MRPS31: variants seen among roughly 807,000 people sequenced by gnomAD.
MRPS31 encodes mitochondrial ribosomal protein S31.
In MRPS31, 32 loss-of-function variants were observed where a neutral mutation model predicts 43.1. The observed-to-expected ratio is 0.74, with a 90% CI of 0.56 to 1.00. The LOEUF (loss-of-function observed/expected upper bound fraction) is 1.00. Among genes scored for constraint, MRPS31 ranks in the 50% least tolerant of loss-of-function variants. The pLI, the probability that MRPS31 is intolerant of heterozygous loss-of-function variation, is 0.00. For synonymous variants in MRPS31, 165 were observed against 161.6 expected, an observed-to-expected ratio of 1.02 and a Z score of -0.16; for missense variants, 437 against 466.7, an observed-to-expected ratio of 0.94 and a Z score of 0.59.
At chr13:40,756,309 A>T (rs1880525059) in intron 4 of MRPS31, among the ~76,000 whole-genome samples, 1 of 152,238 alleles carries the variant, frequency 6.6e-6, no homozygotes, top group Admixed American at 6.5e-5. Flanking sequence ...ACAACTTTAG[A>T]TTCTAAAATA....
At chr13:40,742,746 C>CAAAAAA (rs2138000427) in intron 6 of MRPS31, among the ~76,000 whole-genome samples, 1 of 152,212 alleles carries the variant, frequency 6.6e-6, no homozygotes, top group African/African-American at 2.4e-5. Flanking sequence ...AGAATAGAAA[C>CAAAAAA]AAAAGTGTGA....
chr13:40,751,906 T>C (rs183674155), intron 5 of MRPS31, among the ~76,000 whole-genome samples: 6 of 152,322 alleles, frequency 3.9e-5, no homozygotes, highest in Middle Eastern at 3.4e-3. Context: ...GCCAACTAAC[T>C]TCAGTTTTAG....
chr13:40,738,159 C>A (rs1335304564), intron 6 of MRPS31, among the ~76,000 whole-genome samples: 3 of 151,984 alleles, frequency 2.0e-5, no homozygotes, highest in Non-Finnish European at 4.4e-5. Context: ...ACTACAAACA[C>A]CTCTACGCAA....
intron 6 of MRPS31, among the ~76,000 whole-genome samples, chr13:40,737,365 A>G (rs1425652933): frequency 2.6e-5 from 4 of 152,222 alleles, no homozygotes; most frequent in East Asian, 3.9e-4. Context: ...TCAACATTAG[A>G]CAGATCAATG....
intron 3 of MRPS31, 27 bp from the exon 4 acceptor site, chr13:40,757,040 T>G (rs766119412): frequency 6.4e-7 from 1 of 1,558,542 alleles, no homozygotes; most frequent in Non-Finnish European, 8.7e-7. Context: ...GTCAAGTGTA[T>G]TAGAAATCTT....
intron 6 of MRPS31, among the ~76,000 whole-genome samples, chr13:40,733,255 C>T (rs1416466416): frequency 6.6e-6 from 1 of 152,042 alleles, no homozygotes; most frequent in Non-Finnish European, 1.5e-5. Context: ...CCGCCTGCTT[C>T]GGCCTCCCAA....
intron 6 of MRPS31, chr13:40,731,142 T>C (rs1879680576): frequency 6.7e-6 from 1 of 149,304 alleles, no homozygotes; most frequent in African/African-American, 2.5e-5. Context: ...TAGTCCCAGC[T>C]ACTTGAAAGG....
intron 6 of MRPS31, 75 bp from the exon 7 acceptor site, chr13:40,729,676 G>T: frequency 1.0e-6 from 1 of 965,606 alleles, no homozygotes; most frequent in Non-Finnish European, 1.6e-6. Context: ...ATATTAATGA[G>T]GTAATATAAT....
At chr13:40,753,342 C>T (rs112924165) in intron 5 of MRPS31, among the ~76,000 whole-genome samples, 2,551 of 152,300 alleles carry the variant, frequency 0.017, 49 homozygotes, top group African/African-American at 0.046. Flanking sequence ...TATGTAATAG[C>T]ATAGAGATAC....
At chr13:40,734,601 C>T (rs1300249006) in intron 6 of MRPS31, among the ~76,000 whole-genome samples, 2 of 152,066 alleles carry the variant, frequency 1.3e-5, no homozygotes, top group African/African-American at 4.8e-5. Context: ...TTTTGTCTTA[C>T]CATTAAACAG....
intron 6 of MRPS31, among the ~76,000 whole-genome samples, chr13:40,730,475 A>G (rs1879649235): frequency 6.6e-6 from 1 of 152,184 alleles, no homozygotes; most frequent in Non-Finnish European, 1.5e-5. Flanking sequence ...TAGGGAGCCA[A>G]GATCAAGCCA....
At chr13:40,735,102 G>A (rs1276370270) in intron 6 of MRPS31, among the ~76,000 whole-genome samples, 2 of 152,234 alleles carry the variant, frequency 1.3e-5, no homozygotes, top group Middle Eastern at 3.2e-3. Flanking sequence ...GAAAGAGGGT[G>A]AGGCATTGCC....
chr13:40,758,067 G>C (rs922060799), intron 3 of MRPS31, among the ~76,000 whole-genome samples: 27 of 151,446 alleles, frequency 1.8e-4, no homozygotes, highest in African/African-American at 6.5e-4. Context: ...GGCGTGAACC[G>C]GGGAGGCGGA....
intron 2 of MRPS31, among the ~76,000 whole-genome samples, chr13:40,764,534 G>C (rs186626026): frequency 2.0e-5 from 3 of 152,170 alleles, no homozygotes; most frequent in Non-Finnish European, 4.4e-5. Context: ...AATCAATGTG[G>C]AACAAGGGTA....
intron 5 of MRPS31, 141 bp downstream of exon 5, chr13:40,753,878 T>A (rs1593448902): frequency 1.6e-6 from 1 of 617,642 alleles, no homozygotes; most frequent in Non-Finnish European, 2.8e-6. Flanking sequence ...GTTTTCCTTG[T>A]AACAACCGCC....
rs150239454 is a variant in MRPS31, at chr13:40,746,441, T to C, written c.958+2697A>G. 1.4e-4 allele frequency among the ~76,000 whole-genome samples: 22 copies of C among 152,310 alleles called. No homozygotes were observed. In the East Asian group the frequency reaches 4.2e-3, roughly 29 times the overall value. ...CCTTAAGGAGCTGAAAATGAGTTAC[T>C]GATCACCTCTTTTCCAACTCTGAAA... On this transcript the variant is annotated intron_variant, in intron 6 of 6. Transcript: ENST00000323563.
intron 6 of MRPS31, among the ~76,000 whole-genome samples, chr13:40,734,887 C>A (rs1337832006): frequency 6.6e-6 from 1 of 152,100 alleles, no homozygotes; most frequent in Non-Finnish European, 1.5e-5. Context: ...CGGAGTGAGA[C>A]CCTGTCTCAA....
Position 40,729,497 on chromosome 13 carries a change from T to TCAC in MRPS31, c.1060_1062dup (p.Val354dup). Reference sequence around the variant, plus strand: ...TATGGGTTTTTGGAAAGGCCACAAGTCACCAGCTCCATGAAGTGGCGAATT... The same window carrying TCAC: ...TATGGGTTTTTGGAAAGGCCACAAGTCACCACCAGCTCCATGAAGTGGCGAATT... On this transcript the variant is annotated inframe_insertion, in exon 7 of 7. Coordinates refer to ENST00000323563, the MANE Select transcript of MRPS31 (RefSeq NM_005830.4). 6.2e-7 allele frequency: 1 copy of TCAC among 1,614,000 alleles called. No individual in the cohort carries two copies.
rs1375255888 is a variant in MRPS31 at position 40,749,285 on chromosome 13, C to T, written c.815-4G>A. Reference sequence around the variant, plus strand: ...TCCCAAAGTGAAGGTGATGTGTCTACATAATAAAGACATTTTAGATAACAA... The same window carrying T: ...TCCCAAAGTGAAGGTGATGTGTCTATATAATAAAGACATTTTAGATAACAA... On this transcript the variant is annotated splice_polypyrimidine_tract_variant and splice_region_variant and intron_variant, in intron 5 of 6. Coordinates refer to ENST00000323563, the MANE Select transcript of MRPS31 (RefSeq NM_005830.4). The T allele has an allele frequency of 1.2e-5, 18 of 1,554,160 alleles. No individual in the cohort carries two copies. The highest frequency in any genetic ancestry group is 1.6e-5 in the Non-Finnish European group (18 of 1,160,120).
Sources: gnomAD v4.1 joint callset for allele counts (sites outside exome capture counted in the v4.1 genomes callset) on GRCh38, gnomAD v4.1.1 for gene constraint, MANE v1.5 for transcripts, NCBI Gene and HGNC (gene_info 2026-07-23, HGNC 2026-07-21) for gene names.